RNF150: variants seen among roughly 807,000 people sequenced by gnomAD.
The protein encoded by RNF150 is ring finger protein 150.
A neutral mutation model predicts 39.3 loss-of-function variants in RNF150; 24 were observed. The ratio of observed to expected loss-of-function variants is 0.61; its 90% confidence interval spans 0.44 to 0.86. The LOEUF is 0.86. Among genes scored for constraint, RNF150 ranks in the 40% least tolerant of loss-of-function variants. The probability of loss-of-function intolerance (pLI) is 0.00; values close to 1 mark genes in which losing one functional copy is unlikely to be tolerated. For synonymous variants in RNF150, 255 were observed against 227.3 expected, an observed-to-expected ratio of 1.12 and a Z score of -1.10; for missense variants, 502 against 587.8, an observed-to-expected ratio of 0.85 and a Z score of 1.51.
At chr4:141,204,187 T>C (rs1282908446) in intron 1 of RNF150, among the ~76,000 whole-genome samples, 1 of 152,102 alleles carries the variant, frequency 6.6e-6, no homozygotes, top group African/African-American at 2.4e-5. Context: ...GGAGTTAGAG[T>C]ATAGATATGG....
intron 6 of RNF150, among the ~76,000 whole-genome samples, chr4:140,875,801 G>C (rs1250782516): frequency 6.6e-6 from 1 of 152,044 alleles, no homozygotes; most frequent in Admixed American, 6.5e-5. Flanking sequence ...TTCACATGAA[G>C]TCACTGCTTT....
chr4:141,036,215 G>A (rs1012125927), intron 1 of RNF150, among the ~76,000 whole-genome samples: 5 of 152,098 alleles, frequency 3.3e-5, no homozygotes, highest in African/African-American at 1.2e-4. Context: ...TACATATGGG[G>A]TTGTGCCTGT....
At chr4:141,077,792 C>A (rs1045693027) in intron 1 of RNF150, among the ~76,000 whole-genome samples, 14 of 152,246 alleles carry the variant, frequency 9.2e-5, no homozygotes, top group African/African-American at 3.1e-4. Flanking sequence ...GCTATCCTGG[C>A]CCTGTGCCCA....
At chr4:141,147,794 A>C (rs1727227649) in intron 1 of RNF150, among the ~76,000 whole-genome samples, 1 of 152,158 alleles carries the variant, frequency 6.6e-6, no homozygotes, top group Non-Finnish European at 1.5e-5. Context: ...AGGGGAGGGG[A>C]AAAGGCTGAT....
At chr4:140,946,796 A>G (rs983247379) in intron 4 of RNF150, among the ~76,000 whole-genome samples, 4 of 152,200 alleles carry the variant, frequency 2.6e-5, no homozygotes, top group Admixed American at 2.0e-4. Flanking sequence ...GTGAGCCACC[A>G]TGCCTGGCTG....
At chr4:141,189,955 C>T (rs1024888116) in intron 1 of RNF150, among the ~76,000 whole-genome samples, 1 of 152,168 alleles carries the variant, frequency 6.6e-6, no homozygotes, top group Non-Finnish European at 1.5e-5. Flanking sequence ...TGAAAAAATA[C>T]TCCTGCAGGT....
chr4:141,097,276 C>T (rs1340280129), intron 1 of RNF150, among the ~76,000 whole-genome samples: 1 of 152,206 alleles, frequency 6.6e-6, no homozygotes, highest in Non-Finnish European at 1.5e-5. Flanking sequence ...TAGGTCCTGA[C>T]AGCTGTTGAT....
At chr4:141,036,570 T>C (rs1342464713) in intron 1 of RNF150, among the ~76,000 whole-genome samples, 1 of 152,180 alleles carries the variant, frequency 6.6e-6, no homozygotes, top group Non-Finnish European at 1.5e-5. Context: ...GGTAATAACG[T>C]GTTCCTGAAA....
intron 6 of RNF150, among the ~76,000 whole-genome samples, chr4:140,878,679 G>C (rs913668845): frequency 3.9e-5 from 6 of 152,100 alleles, no homozygotes; most frequent in African/African-American, 1.4e-4. Context: ...TATATGGTTT[G>C]CAAATATTTT....
chr4:141,202,478 A>G (rs912591412), intron 1 of RNF150, among the ~76,000 whole-genome samples: 1 of 152,124 alleles, frequency 6.6e-6, no homozygotes, highest in African/African-American at 2.4e-5. Flanking sequence ...ACTTTTATCC[A>G]TGTTTTACTA....
chr4:141,043,539 A>C (rs1179383290), intron 1 of RNF150, among the ~76,000 whole-genome samples: 1 of 152,198 alleles, frequency 6.6e-6, no homozygotes, highest in Admixed American at 6.5e-5. Context: ...AGTTCTATAT[A>C]GGGAGACTAA....
intron 1 of RNF150, among the ~76,000 whole-genome samples, chr4:141,204,801 T>C (rs1480134312): frequency 6.6e-6 from 1 of 152,232 alleles, no homozygotes; most frequent in Non-Finnish European, 1.5e-5. Flanking sequence ...TCTCAGTCTT[T>C]GGTTGAATGT....
chr4:141,185,926 G>C, intron 1 of RNF150, among the ~76,000 whole-genome samples: 1 of 152,234 alleles, frequency 6.6e-6, no homozygotes, highest in Non-Finnish European at 1.5e-5. Context: ...TGCTGGATTT[G>C]GTTTACCAGT....
intron 1 of RNF150, among the ~76,000 whole-genome samples, chr4:141,194,660 C>A (rs1320458311): frequency 6.6e-6 from 1 of 152,072 alleles, no homozygotes; most frequent in Non-Finnish European, 1.5e-5. Context: ...GCTAGAGTAC[C>A]AGGCCCATAA....
At chr4:141,148,584 G>T (rs976221110) in intron 1 of RNF150, among the ~76,000 whole-genome samples, 1 of 152,110 alleles carries the variant, frequency 6.6e-6, no homozygotes. Flanking sequence ...GGGACTACAG[G>T]CATGCACTAC....
chr4:141,121,131 C>T (rs1237506487), intron 1 of RNF150, among the ~76,000 whole-genome samples: 1 of 152,166 alleles, frequency 6.6e-6, no homozygotes, highest in Non-Finnish European at 1.5e-5. Flanking sequence ...TCACACACAA[C>T]ATCTATGATG....
At chr4:140,911,122 C>T in intron 6 of RNF150, 22 bp downstream of exon 6, 1 of 1,594,268 alleles carries the variant, frequency 6.3e-7, no homozygotes. Flanking sequence ...GGCTATGTCA[C>T]TTTAAGTATG....
At chr4:141,109,440 T>C (rs540873515) in intron 1 of RNF150, among the ~76,000 whole-genome samples, 4 of 151,924 alleles carry the variant, frequency 2.6e-5, no homozygotes, top group African/African-American at 9.6e-5. Context: ...TGGGCAATGA[T>C]AAGTATATAC....
chr4:141,057,888 A>G (rs945026696), intron 1 of RNF150, among the ~76,000 whole-genome samples: 1 of 152,018 alleles, frequency 6.6e-6, no homozygotes, highest in Admixed American at 6.6e-5. Flanking sequence ...AAACTTCACT[A>G]TGTTGGACAT....
Sources: allele counts gnomAD v4.1 joint callset (sites outside exome capture counted in the v4.1 genomes callset), GRCh38; gene constraint gnomAD v4.1.1; transcripts MANE v1.5; gene names NCBI Gene and HGNC (gene_info 2026-07-23, HGNC 2026-07-21).